Variants in DGKI observed in about 807,000 individuals in gnomAD.
DGKI encodes DAG kinase iota.
DGKI carries 55 observed loss-of-function variants against 147.5 expected under a neutral mutation model. The ratio of observed to expected loss-of-function variants is 0.37; its 90% CI spans 0.30 to 0.47. The LOEUF is 0.47. Ranked by LOEUF, DGKI falls within the 20% of genes least tolerant of loss-of-function variation. The pLI is 1.00. For missense variants in DGKI, 1,007 were observed against 1,323.8 expected (o/e 0.76, Z 3.71); for synonymous variants, 469 against 477.1 (o/e 0.98, Z 0.22).
At chr7:137,658,683 C>G (rs1017848131) in intron 3 of DGKI, among the ~76,000 whole-genome samples, 8 of 152,182 alleles carry the variant, frequency 5.3e-5, no homozygotes, top group Admixed American at 5.2e-4. Flanking sequence ...AAGGAAGATG[C>G]GGAGAAAACT....
At chr7:137,790,678 C>G (rs893458422) in intron 1 of DGKI, among the ~76,000 whole-genome samples, 1 of 152,184 alleles carries the variant, frequency 6.6e-6, no homozygotes, top group Non-Finnish European at 1.5e-5. Flanking sequence ...ACAGAAAGAG[C>G]AGGACTCAGA....
At chr7:137,472,239 T>C (rs1250890364) in intron 23 of DGKI, among the ~76,000 whole-genome samples, 4 of 112,838 alleles carry the variant, frequency 3.5e-5, no homozygotes, top group Non-Finnish European at 6.6e-5. Flanking sequence ...ATATAATATA[T>C]GTATATATAC....
At chr7:137,603,475 C>T (rs1352365764) in intron 10 of DGKI, among the ~76,000 whole-genome samples, 4 of 152,142 alleles carry the variant, frequency 2.6e-5, no homozygotes, top group Non-Finnish European at 5.9e-5. Flanking sequence ...TCAAACAATC[C>T]AAATAGAATG....
chr7:137,785,966 A>G lies in DGKI; in HGVS notation c.401+60496T>C, dbSNP rs575897951. ...TCAGCAAAATCGGCATAGAAGGGAC[A>G]TAACTTAAGGGAATAAAAGCCATCC... On this transcript the variant is annotated intron_variant, in intron 1 of 32. Transcript: ENST00000614521. 1.6e-4 allele frequency among the ~76,000 whole-genome samples: 25 copies of G among 152,280 alleles called. No homozygotes were observed. In the South Asian group the frequency reaches 5.2e-3, roughly 32 times the overall value.
chr7:137,631,786 A>T (rs776203756), intron 6 of DGKI, among the ~76,000 whole-genome samples: 3 of 152,236 alleles, frequency 2.0e-5, no homozygotes, highest in Non-Finnish European at 4.4e-5. Flanking sequence ...TTGCTGTGAC[A>T]GAGGAAGAAG....
chr7:137,591,182 A>G (rs1819596416), intron 12 of DGKI, among the ~76,000 whole-genome samples: 1 of 152,218 alleles, frequency 6.6e-6, no homozygotes, highest in Admixed American at 6.5e-5. Context: ...GGACAAGTAC[A>G]CAGTGTGTGA....
chr7:137,474,019 T>G (rs1423128191), intron 23 of DGKI, among the ~76,000 whole-genome samples: 1 of 152,186 alleles, frequency 6.6e-6, no homozygotes. Flanking sequence ...GAAATACATT[T>G]GCATCCTCTT....
intron 1 of DGKI, among the ~76,000 whole-genome samples, chr7:137,714,299 TA>T (rs1438860230): frequency 6.6e-6 from 1 of 152,240 alleles, no homozygotes; most frequent in East Asian, 1.9e-4. Context: ...AAAAAATGTT[TA>T]AAAACATCTA....
In DGKI at chr7:137,382,691, T is replaced by A. The variant is rs1811087973; in HGVS notation, c.*8529A>T. 6.6e-6 allele frequency: 1 copy of A among 152,100 alleles called. No homozygotes were observed. Among genetic ancestry groups the A allele is most frequent in the African/African-American group, 2.4e-5 (1 of 41,422 alleles). 9.4% of individuals were successfully genotyped at this position (152,100 alleles called of 1,614,324 possible). A position where few individuals can be genotyped will look rare whatever the true frequency, so the allele number is the denominator to read the frequency against. On this transcript the variant is annotated 3_prime_UTR_variant, in exon 33 of 33. Coordinates refer to ENST00000614521, the MANE Select transcript of DGKI (RefSeq NM_001321708.2). The stretch of plus-strand genomic sequence containing the variant: ...TACTAGGGTCTTCTTATTGTACTAC[T>A]TTTGAGAATCTTTTTTCCTTTCCTC...
intron 1 of DGKI, among the ~76,000 whole-genome samples, chr7:137,824,430 C>A (rs150120785): frequency 1.5e-3 from 219 of 149,692 alleles, no homozygotes; most frequent in East Asian, 7.8e-3. Flanking sequence ...GCAGGAGAAT[C>A]ACTTGAACCT....
chr7:137,528,724 A>G (rs984033526), intron 20 of DGKI, among the ~76,000 whole-genome samples: 16 of 152,226 alleles, frequency 1.1e-4, no homozygotes, highest in Admixed American at 8.5e-4. Context: ...CTAATTCTAT[A>G]CGCCCCTATG....
At chr7:137,649,701 G>C (rs1821955161) in intron 5 of DGKI, among the ~76,000 whole-genome samples, 1 of 150,704 alleles carries the variant, frequency 6.6e-6, no homozygotes, top group South Asian at 2.1e-4. Flanking sequence ...CACCACTAAA[G>C]AATTTAGTCA....
At chr7:137,803,248 T>C (rs1325192137) in intron 1 of DGKI, among the ~76,000 whole-genome samples, 1 of 152,150 alleles carries the variant, frequency 6.6e-6, no homozygotes, top group African/African-American at 2.4e-5. Context: ...TGCTGGGTTG[T>C]AGAGAAGATG....
intron 6 of DGKI, 141 bp from the exon 7 acceptor site, chr7:137,623,695 G>C (rs1288798370): frequency 1.5e-6 from 1 of 677,852 alleles, no homozygotes; most frequent in African/African-American, 1.8e-5. Context: ...GAATTGCAAA[G>C]GCCACATTGA....
intron 10 of DGKI, among the ~76,000 whole-genome samples, chr7:137,607,706 A>G (rs1267670085): frequency 1.3e-5 from 2 of 152,172 alleles, no homozygotes; most frequent in South Asian, 2.1e-4. Context: ...TTGATAGAAC[A>G]TAGGGATACT....
At chr7:137,713,808 A>C (rs1288685740) in intron 1 of DGKI, among the ~76,000 whole-genome samples, 1 of 151,998 alleles carries the variant, frequency 6.6e-6, no homozygotes, top group East Asian at 1.9e-4. Flanking sequence ...TCTCTGACTT[A>C]TCTATTTATT....
At chr7:137,466,148 G>T in intron 25 of DGKI, 113 bp from the exon 26 acceptor site, 2 of 1,323,264 alleles carry the variant, frequency 1.5e-6, no homozygotes, top group Non-Finnish European at 2.1e-6. Context: ...GTTGTCAGAA[G>T]CTTGATCAGT....
intron 1 of DGKI, among the ~76,000 whole-genome samples, chr7:137,842,865 G>A (rs1431819397): frequency 6.6e-6 from 1 of 152,098 alleles, no homozygotes; most frequent in Non-Finnish European, 1.5e-5. Flanking sequence ...ATAATAATAT[G>A]TAATGACCTG....
At chr7:137,738,048 G>A (rs1168325291) in intron 1 of DGKI, among the ~76,000 whole-genome samples, 1 of 152,056 alleles carries the variant, frequency 6.6e-6, no homozygotes, top group African/African-American at 2.4e-5. Context: ...TCATGTTCTA[G>A]GCACAGTGCT....
Sources: gnomAD v4.1 joint callset for allele counts (sites outside exome capture counted in the v4.1 genomes callset) on GRCh38, gnomAD v4.1.1 for gene constraint, MANE v1.5 for transcripts, NCBI Gene and HGNC (gene_info 2026-07-23, HGNC 2026-07-21) for gene names.